LIN28B: variants seen among roughly 807,000 people sequenced by gnomAD.
LIN28B encodes the protein protein lin-28 homolog B.
Under a neutral mutation model 21.9 loss-of-function variants are expected in LIN28B, and 5 were observed. That is an observed-to-expected ratio of 0.23 (90% CI 0.12 to 0.48). LIN28B has a LOEUF of 0.48. Among genes scored for constraint, LIN28B ranks in the 20% least tolerant of loss-of-function variants. LIN28B has a pLI of 0.98. For synonymous variants in LIN28B, 109 were observed against 111.3 expected (o/e 0.98, Z 0.13); for missense variants, 245 against 310.5 (o/e 0.79, Z 1.58).
intron 2 of LIN28B, among the ~76,000 whole-genome samples, chr6:105,016,925 C>T (rs892924596): frequency 1.1e-4 from 16 of 150,198 alleles, no homozygotes; most frequent in African/African-American, 3.9e-4. Context: ...AAAAAAAAAA[C>T]AGCTGGGTGT....
intron 2 of LIN28B, among the ~76,000 whole-genome samples, chr6:105,025,844 T>G (rs1771276814): frequency 6.6e-6 from 1 of 152,118 alleles, no homozygotes; most frequent in South Asian, 2.1e-4. Context: ...CATGCTTATC[T>G]TTCTACATTA....
upstream of LIN28B, among the ~76,000 whole-genome samples, chr6:104,952,903 A>G (rs1778236132): frequency 6.6e-6 from 1 of 152,184 alleles, no homozygotes. Context: ...CCTCCAGACA[A>G]GGAAATTAAA....
chr6:104,994,305 A>G (rs967153904), intron 2 of LIN28B, among the ~76,000 whole-genome samples: 1 of 152,244 alleles, frequency 6.6e-6, no homozygotes, highest in African/African-American at 2.4e-5. Context: ...CGCCTGACCG[A>G]TAAAAACATT....
intron 3 of LIN28B, chr6:105,058,098 G>A (rs934466857): frequency 2.4e-6 from 1 of 410,052 alleles, no homozygotes; most frequent in Non-Finnish European, 4.8e-6. Flanking sequence ...GCTTGACGGT[G>A]CATTTTCTCT....
At chr6:104,969,384 G>A (rs532315364) in intron 2 of LIN28B, among the ~76,000 whole-genome samples, 5 of 152,116 alleles carry the variant, frequency 3.3e-5, no homozygotes, top group Non-Finnish European at 7.4e-5. Context: ...ACTATTCATT[G>A]CTTATCTTTT....
At chr6:104,991,661 C>T (rs1383599138) in intron 2 of LIN28B, among the ~76,000 whole-genome samples, 1 of 151,838 alleles carries the variant, frequency 6.6e-6, no homozygotes, top group African/African-American at 2.4e-5. Flanking sequence ...CCAAGGCAGG[C>T]GGCTGGGAGG....
intron 2 of LIN28B, among the ~76,000 whole-genome samples, chr6:104,959,660 C>A (rs1053233724): frequency 6.6e-6 from 1 of 152,224 alleles, no homozygotes; most frequent in Non-Finnish European, 1.5e-5. Context: ...AGTCCACATA[C>A]AGACTACTGG....
rs571127020 is a variant in LIN28B at position 104,966,723 on chromosome 6, G to A, written c.198+8437G>A. ...TGCAAGCTCCGCCTCCCAGGTTCAC[G>A]CCATTCTCCTGCCTCAGCCTCCAGA... On this transcript the variant is annotated intron_variant, in intron 2 of 3. Transcript: ENST00000345080. Among the ~76,000 whole-genome samples, 5 of 150,112 alleles carry A rather than the reference G, an allele frequency of 3.3e-5. No homozygotes were observed. In the East Asian group the frequency reaches 6.0e-4, roughly 18 times the overall value.
Position 104,938,641 on chromosome 6 carries a change from GAA to G in LIN28B, c.18+1537_18+1538del, listed in dbSNP as rs11309573. On this transcript the variant is annotated intron_variant, in intron 2 of 5. Coordinates refer to the LIN28B transcript ENST00000635857. Reference sequence around the variant, plus strand: ...GGGACATAGTGAGACCCTGTCTCAAGAAAAAAAAAAAAACCTGAAAAGAAAAA... The same window carrying G: ...GGGACATAGTGAGACCCTGTCTCAAGAAAAAAAAAAACCTGAAAAGAAAAA... Among the ~76,000 whole-genome samples the G allele has an allele frequency of 7.6e-4, 110 of 143,872 alleles. 1 individual carries two copies. The highest frequency in any genetic ancestry group is 7.6e-3 in the East Asian group (38 of 4,992). 94.4% of individuals were successfully genotyped at this position (143,872 alleles called of 152,430 possible).
At chr6:104,972,371 A>T (rs1012789096) in intron 2 of LIN28B, among the ~76,000 whole-genome samples, 1 of 152,208 alleles carries the variant, frequency 6.6e-6, no homozygotes, top group African/African-American at 2.4e-5. Context: ...AAAAATACAT[A>T]ACAAAATTTG....
At chr6:105,050,471 G>T (rs970936196) in intron 3 of LIN28B, among the ~76,000 whole-genome samples, 1 of 151,372 alleles carries the variant, frequency 6.6e-6, no homozygotes, top group Non-Finnish European at 1.5e-5. Flanking sequence ...GCGCGGTGGC[G>T]GGTGCCTGTA....
At chr6:104,942,575 ATAAAT>A (rs1778109476) in intron 2 of LIN28B, among the ~76,000 whole-genome samples, 2 of 152,142 alleles carry the variant, frequency 1.3e-5, no homozygotes, top group African/African-American at 4.8e-5. Context: ...GAGTCATATG[ATAAAT>A]TAACAGAAGA....
intron 3 of LIN28B, among the ~76,000 whole-genome samples, chr6:105,052,256 G>A (rs1771921899): frequency 6.6e-6 from 1 of 152,164 alleles, no homozygotes; most frequent in African/African-American, 2.4e-5. Flanking sequence ...GGTTTATGAA[G>A]TTTGATTTTA....
intron 3 of LIN28B, among the ~76,000 whole-genome samples, chr6:105,032,941 GT>G (rs922635425): frequency 6.6e-6 from 1 of 151,726 alleles, no homozygotes; most frequent in African/African-American, 2.4e-5. Flanking sequence ...CTTTGTGTAA[GT>G]TTTTTTTGCC....
At chr6:105,002,451 T>A (rs983242998) in intron 2 of LIN28B, among the ~76,000 whole-genome samples, 1 of 152,214 alleles carries the variant, frequency 6.6e-6, no homozygotes, top group African/African-American at 2.4e-5. Context: ...GATATAACTC[T>A]AGGACTGCAT....
At chr6:104,964,187 AT>A (rs1445322223) in intron 2 of LIN28B, among the ~76,000 whole-genome samples, 2 of 152,212 alleles carry the variant, frequency 1.3e-5, no homozygotes, top group African/African-American at 4.8e-5. Flanking sequence ...CTACTTAAAA[AT>A]AAGATGCACT....
intron 3 of LIN28B, among the ~76,000 whole-genome samples, chr6:105,069,735 G>C (rs902324123): frequency 6.6e-6 from 1 of 151,174 alleles, no homozygotes; most frequent in African/African-American, 2.4e-5. Context: ...GATGACACAA[G>C]TATACATTGA....
intron 3 of LIN28B, among the ~76,000 whole-genome samples, chr6:105,055,994 C>G (rs1356274798): frequency 6.9e-6 from 1 of 145,696 alleles, no homozygotes; most frequent in African/African-American, 2.5e-5. Context: ...CTCCTGGGCT[C>G]AAGCAGTCCT....
At chr6:104,970,411 G>T (rs1269306655) in intron 2 of LIN28B, among the ~76,000 whole-genome samples, 2 of 152,092 alleles carry the variant, frequency 1.3e-5, no homozygotes, top group Admixed American at 6.6e-5. Flanking sequence ...TTCCCTTTTA[G>T]TTAGTCACAG....
Sources: gnomAD v4.1 joint callset for allele counts (sites outside exome capture counted in the v4.1 genomes callset) on GRCh38, gnomAD v4.1.1 for gene constraint, MANE v1.5 for transcripts, NCBI Gene and HGNC (gene_info 2026-07-23, HGNC 2026-07-21) for gene names.